The following RNF4 variants were observed in gnomAD, a reference collection of about 807,000 sequenced individuals.
The protein encoded by RNF4 is ring finger protein 4.
A neutral mutation model predicts 24.3 loss-of-function variants in RNF4; 7 were observed. The ratio of observed to expected loss-of-function variants is 0.29; its 90% confidence interval spans 0.16 to 0.54. The LOEUF (loss-of-function observed/expected upper bound fraction) is 0.54, where lower values mean the gene tolerates loss of function less well. Among genes scored for constraint, RNF4 ranks in the 20% least tolerant of loss-of-function variants. The pLI is 0.95. For missense variants in RNF4, 209 were observed against 248.5 expected, an observed-to-expected ratio of 0.84 and a Z score of 1.07; for synonymous variants, 83 against 84.3, an observed-to-expected ratio of 0.98 and a Z score of 0.09.
At chr4:2,491,922 G>A (rs898455448) in intron 2 of RNF4, among the ~76,000 whole-genome samples, 3 of 151,430 alleles carry the variant, frequency 2.0e-5, no homozygotes, top group African/African-American at 7.2e-5. Context: ...AAATTGGCCA[G>A]GTGCGGTGGC....
chr4:2,479,007 T>C (rs1008800734), intron 1 of RNF4, among the ~76,000 whole-genome samples: 3 of 152,200 alleles, frequency 2.0e-5, no homozygotes, highest in African/African-American at 7.2e-5. Context: ...TGGAGCTGCC[T>C]AAGGCCATGG....
At chr4:2,488,470 C>A (rs1032228107) in intron 1 of RNF4, among the ~76,000 whole-genome samples, 95 of 151,560 alleles carry the variant, frequency 6.3e-4, no homozygotes, top group African/African-American at 2.2e-3. Flanking sequence ...ACAACAACAA[C>A]AACAAAAAAA....
chr4:2,490,090 G>A (rs532035944), intron 1 of RNF4, among the ~76,000 whole-genome samples: 1 of 152,220 alleles, frequency 6.6e-6, no homozygotes, highest in East Asian at 1.9e-4. Flanking sequence ...ACCTTGCCAA[G>A]GTGGCAGGAG....
chr4:2,512,094 G>A lies in RNF4; in HGVS notation c.214+129G>A, dbSNP rs113642465. 2.5e-3 allele frequency: 2,060 copies of A among 833,842 alleles called. 34 individuals are homozygous for A. The African/African-American group carries it at 0.029, about 12-fold the overall frequency. The allele number at this position is 833,842 out of a possible 1,614,324, so 51.7% of individuals were successfully genotyped here. On this transcript the variant is annotated intron_variant, in intron 5 of 7. Transcript: ENST00000314289. The surrounding 1 kb of genome is among the most constrained non-coding windows in gnomAD (Gnocchi z 4.1). Reference sequence around the variant, plus strand: ...GCGCTCCAAGCAGGAAGATGCCTTCGCAGATGCTGTGGTCAGACCCACACA... The same window carrying A: ...GCGCTCCAAGCAGGAAGATGCCTTCACAGATGCTGTGGTCAGACCCACACA...
chr4:2,471,750 A>G (rs945030320), intron 1 of RNF4, among the ~76,000 whole-genome samples: 1 of 152,244 alleles, frequency 6.6e-6, no homozygotes, highest in African/African-American at 2.4e-5. Flanking sequence ...CAAACCATCC[A>G]TGACATTCCC....
In RNF4 at chr4:2,477,362, G is replaced by A. The variant is rs538674078; in HGVS notation, c.-158+8104G>A. Reference sequence around the variant, plus strand: ...AGCACTTTGGGAGGCCAAGGCGGGCGGATCACGAGGTTAGGAGTTCAAGAT... The same window carrying A: ...AGCACTTTGGGAGGCCAAGGCGGGCAGATCACGAGGTTAGGAGTTCAAGAT... On this transcript the variant is annotated intron_variant, in intron 1 of 7. Transcript: ENST00000314289. 2.0e-4 allele frequency among the ~76,000 whole-genome samples: 31 copies of A among 152,178 alleles called. 2 individuals are homozygous for A. In the South Asian group the frequency reaches 2.9e-3, roughly 14 times the overall value.
intron 1 of RNF4, among the ~76,000 whole-genome samples, chr4:2,474,326 C>T (rs1053310944): frequency 1.3e-5 from 2 of 150,188 alleles, no homozygotes; most frequent in Non-Finnish European, 3.0e-5. Flanking sequence ...TGCAGCGAGC[C>T]GAAATCACGC....
At chr4:2,474,978 G>C (rs960519648) in intron 1 of RNF4, among the ~76,000 whole-genome samples, 1 of 152,162 alleles carries the variant, frequency 6.6e-6, no homozygotes, top group African/African-American at 2.4e-5. Context: ...GGTGAGCCAA[G>C]ATTGCGCCGT....
At chr4:2,481,688 AT>A (rs1222232959) in intron 1 of RNF4, among the ~76,000 whole-genome samples, 2 of 151,590 alleles carry the variant, frequency 1.3e-5, no homozygotes, top group African/African-American at 4.9e-5. Context: ...GGAGCCAGTG[AT>A]TTTTTTGACT....
At chr4:2,483,930 G>A (rs369716478) in intron 1 of RNF4, among the ~76,000 whole-genome samples, 14 of 151,446 alleles carry the variant, frequency 9.2e-5, no homozygotes, top group African/African-American at 3.1e-4. Flanking sequence ...GGGTTCGAGC[G>A]ATTCTCCTGC....
chr4:2,500,753 G>A lies in RNF4; in HGVS notation c.204+15G>A. 6.2e-7 allele frequency: 1 copy of A among 1,613,000 alleles called. No individual in the cohort carries two copies. Among genetic ancestry groups the A allele is most frequent in the Non-Finnish European group, 8.5e-7 (1 of 1,179,326 alleles). On this transcript the variant is annotated intron_variant, in intron 4 of 7. Transcript: ENST00000314289. ...ACTCTGTTGTGGTAAGTGTTGGAGT[G>A]TGAGAGTCGGCTGTTTCTTGGGTAT...
chr4:2,512,917 C>T lies in RNF4; in HGVS notation c.375-166C>T, dbSNP rs991568931. The stretch of plus-strand genomic sequence containing the variant: ...TTCTCATGTTCACCCTCCCACATGC[C>T]CTTGGGGCAGTTGGCTTTCCTGAAA... On this transcript the variant is annotated intron_variant, in intron 6 of 7. Coordinates refer to ENST00000314289, the MANE Select transcript of RNF4 (RefSeq NM_002938.5). The surrounding 1 kb of genome is among the most constrained non-coding windows in gnomAD (Gnocchi z 4.1). Among the ~76,000 whole-genome samples the T allele has an allele frequency of 3.9e-5, 6 of 152,142 alleles. No individual in the cohort carries two copies. Among genetic ancestry groups the T allele is most frequent in the African/African-American group, 1.4e-4 (6 of 41,424 alleles).
chr4:2,473,211 G>A (rs554964102), intron 1 of RNF4, among the ~76,000 whole-genome samples: 17 of 151,514 alleles, frequency 1.1e-4, no homozygotes, highest in African/African-American at 3.4e-4. Context: ...GTGAAACCCC[G>A]TCTCTACCAA....
At chr4:2,469,314 C>T (rs1734814819) in intron 1 of RNF4, 56 bp downstream of exon 1, 1 of 152,224 alleles carries the variant, frequency 6.6e-6, no homozygotes, top group Admixed American at 6.5e-5. Context: ...CTACAGAGGC[C>T]TCGGCCCGCG....
chr4:2,482,782 A>G (rs773869973), intron 1 of RNF4, among the ~76,000 whole-genome samples: 16 of 152,172 alleles, frequency 1.1e-4, no homozygotes, highest in Non-Finnish European at 1.9e-4. Context: ...TGTCCCTGCA[A>G]ACCTTCAGGG....
chr4:2,512,480 A>T lies in RNF4; in HGVS notation c.257A>T (p.Asp86Val). The T allele has an allele frequency of 1.2e-6, 2 of 1,613,662 alleles. No homozygotes were observed. Among genetic ancestry groups the T allele is most frequent in the Non-Finnish European group, 1.7e-6 (2 of 1,179,746 alleles). ...AGGAATGCTAGGAGGCTGCCCCAGG[A>T]CCATGCTGACAGCTGTGTGGTGAGC... ...PRRNARRLPQ[D>V]HADSCVVSSD... The change falls in exon 6 of 8, where the codon GAC becomes GTC. Residue 86 changes from aspartate (D) to valine (V), a missense_variant. This residue lies in a region of RNF4 where 182 missense variants were observed against 197.2 expected (regional missense o/e 0.92). Transcript: ENST00000314289. This position sits in a 1 kb window ranked among gnomAD's most constrained non-coding sequence, Gnocchi z 4.1.
chr4:2,499,829 A>G (rs1040322956), intron 3 of RNF4, among the ~76,000 whole-genome samples: 6 of 152,142 alleles, frequency 3.9e-5, no homozygotes, highest in African/African-American at 1.2e-4. Context: ...CCATCCAACT[A>G]GGGAGACAAA....
intron 1 of RNF4, among the ~76,000 whole-genome samples, chr4:2,476,709 T>C (rs1351385027): frequency 6.6e-6 from 1 of 151,086 alleles, no homozygotes; most frequent in Non-Finnish European, 1.5e-5. Flanking sequence ...TCTTTCTTTT[T>C]TTTTTTTTTT....
At chr4:2,500,374 G>T (rs1220981570) in intron 3 of RNF4, among the ~76,000 whole-genome samples, 7 of 152,112 alleles carry the variant, frequency 4.6e-5, no homozygotes, top group Non-Finnish European at 1.5e-5. Context: ...CCGTGTGGAA[G>T]TGGGATGCCG....
Sources: gnomAD v4.1 joint callset for allele counts (sites outside exome capture counted in the v4.1 genomes callset) on GRCh38, gnomAD v4.1.1 for gene constraint, gnomAD v4.1.1 regional missense constraint, Gnocchi (gnomAD v3.1) non-coding constraint, MANE v1.5 for transcripts, NCBI Gene and HGNC (gene_info 2026-07-23, HGNC 2026-07-21) for gene names.